The following ANKRD52 variants were observed in gnomAD, a reference collection of about 807,000 sequenced individuals.
ANKRD52 encodes the protein serine/threonine-protein phosphatase 6 regulatory ankyrin repeat subunit C.
Under a neutral mutation model 116.0 loss-of-function variants are expected in ANKRD52, and 7 were observed. The ratio of observed to expected loss-of-function variants is 0.06; its 90% confidence interval spans 0.03 to 0.11. The LOEUF is 0.11. ANKRD52 is among the 10% of genes least tolerant of loss of function. The pLI is 1.00. For synonymous variants in ANKRD52, 528 were observed against 578.1 expected, an observed-to-expected ratio of 0.91 and a Z score of 1.24; for missense variants, 839 against 1,408.6, an observed-to-expected ratio of 0.60 and a Z score of 6.47.
At chr12:56,249,805 C>T (rs1465043573) in intron 15 of ANKRD52, among the ~76,000 whole-genome samples, 1 of 152,066 alleles carries the variant, frequency 6.6e-6, no homozygotes, top group Admixed American at 6.6e-5. Context: ...TTTGGGAGGC[C>T]AAGGCAGGTG....
At chr12:56,250,120 C>T (rs748837889) in intron 15 of ANKRD52, among the ~76,000 whole-genome samples, 1 of 152,084 alleles carries the variant, frequency 6.6e-6, no homozygotes, top group African/African-American at 2.4e-5. Context: ...TCGCTTGAAC[C>T]CCGGAGGTAG....
intron 15 of ANKRD52, 44 bp downstream of exon 15, chr12:56,251,971 T>A: frequency 6.3e-7 from 1 of 1,592,012 alleles, no homozygotes; most frequent in Non-Finnish European, 8.6e-7. Flanking sequence ...AGAGCTTGCA[T>A]GGGTTGGGGA....
At chr12:56,249,234 A>G (rs918507659) in intron 15 of ANKRD52, among the ~76,000 whole-genome samples, 5 of 152,090 alleles carry the variant, frequency 3.3e-5, no homozygotes, top group Non-Finnish European at 4.4e-5. Context: ...GCCCACCCGA[A>G]TAAGTCCTGT....
intron 15 of ANKRD52, among the ~76,000 whole-genome samples, chr12:56,250,043 A>C (rs1267579076): frequency 1.3e-5 from 2 of 151,998 alleles, no homozygotes; most frequent in Non-Finnish European, 2.9e-5. Context: ...TCTTCAAAAA[A>C]ACAATTAGCT....
intron 15 of ANKRD52, 132 bp from the exon 16 acceptor site, chr12:56,249,002 G>T: frequency 1.7e-6 from 1 of 594,760 alleles, no homozygotes. Context: ...GCTCTAGGTA[G>T]GTTCTCTAAA....
Position 56,255,161 on chromosome 12 carries a change from G to T in ANKRD52, c.463-209C>A. 1 of 481,760 alleles carries T rather than the reference G, an allele frequency of 2.1e-6. No individual in the cohort carries two copies. The highest frequency in any genetic ancestry group is 3.7e-6 in the Non-Finnish European group (1 of 268,442). 29.8% of individuals were successfully genotyped at this position (481,760 alleles called of 1,614,324 possible). A position where few individuals can be genotyped will look rare whatever the true frequency, so the allele number is the denominator to read the frequency against. On this transcript the variant is annotated intron_variant, in intron 5 of 27. Transcript: ENST00000267116. This position sits in a 1 kb window ranked among gnomAD's most constrained non-coding sequence, Gnocchi z 4.3. ...TTGGAACTTTAAGGGAAACAAGAGAGTCTCTTCAGGTGATCTGGTGGTTCT... is the reference window on the plus strand; with the variant it reads ...TTGGAACTTTAAGGGAAACAAGAGATTCTCTTCAGGTGATCTGGTGGTTCT...
Position 56,243,069 on chromosome 12 carries a change from A to G in ANKRD52, c.*73T>C, listed in dbSNP as rs1215425729. ...GTCGTGTTCTCCTTTAAAGTGCCCT[A>G]AATGTTTAGACTTTTTCTAAATAAA... On this transcript the variant is annotated 3_prime_UTR_variant, in exon 28 of 28. Transcript: ENST00000267116. The surrounding 1 kb of genome is among the most constrained non-coding windows in gnomAD (Gnocchi z 4.6). 2 of 1,469,280 alleles carry G rather than the reference A, an allele frequency of 1.4e-6. No homozygotes were observed. The highest frequency in any genetic ancestry group is 2.5e-5 in the Admixed American group (1 of 40,050). 91.0% of individuals were successfully genotyped at this position (1,469,280 alleles called of 1,614,324 possible). A position where few individuals can be genotyped will look rare whatever the true frequency, so the allele number is the denominator to read the frequency against.
In ANKRD52 at chr12:56,255,885, T is replaced by C. The variant is rs1386116930; in HGVS notation, c.361A>G (p.Lys121Glu). 2 of 1,573,476 alleles carry C rather than the reference T, an allele frequency of 1.3e-6. No individual in the cohort carries two copies. Among genetic ancestry groups the C allele is most frequent in the Non-Finnish European group, 1.7e-6 (2 of 1,159,106 alleles). Residue 121 changes from lysine to glutamate, a missense_variant, in exon 5 of 28, where the codon AAG (lysine) becomes GAG (glutamate). This residue lies in a region of ANKRD52 where 287 missense variants were observed against 598.1 expected (regional missense o/e 0.48). Coordinates refer to ENST00000267116, the MANE Select transcript of ANKRD52 (RefSeq NM_173595.4). The surrounding 1 kb of genome is among the most constrained non-coding windows in gnomAD (Gnocchi z 4.3). ...LHVAAANRAT[K>E]CAEALAPLLS... The stretch of plus-strand genomic sequence containing the variant: ...AGGGGTGCCAGAGCCTCAGCACACT[T>C]GGTGGCCCGGTTGGCAGCAGCCACA...
chr12:56,241,683 A>C lies in ANKRD52; in HGVS notation c.*1459T>G. The C allele has an allele frequency of 3.6e-6, 1 of 279,168 alleles. No individual in the cohort carries two copies. The highest frequency in any genetic ancestry group is 6.7e-6 in the Non-Finnish European group (1 of 150,368). The allele number at this position is 279,168 out of a possible 1,614,324, so 17.3% of individuals were successfully genotyped here. A position where few individuals can be genotyped will look rare whatever the true frequency, so the allele number is the denominator to read the frequency against. Reference sequence around the variant, plus strand: ...CTGTGTCTTGGCCCCTGGCTGAGGTATTGAGTGTGAGGAAGGGAACACTGG... The same window carrying C: ...CTGTGTCTTGGCCCCTGGCTGAGGTCTTGAGTGTGAGGAAGGGAACACTGG... On this transcript the variant is annotated 3_prime_UTR_variant, in exon 28 of 28. Coordinates refer to ENST00000267116, the MANE Select transcript of ANKRD52 (RefSeq NM_173595.4).
At position 56,254,368 on chromosome 12, in the gene ANKRD52, G is replaced by T; in HGVS notation, c.694-89C>A. On this transcript the variant is annotated intron_variant, in intron 7 of 27. Coordinates refer to ENST00000267116, the MANE Select transcript of ANKRD52 (RefSeq NM_173595.4). The surrounding 1 kb of genome is among the most constrained non-coding windows in gnomAD (Gnocchi z 4.6). ...AGCCTCCAGATCCCAGAAATCCAAC[G>T]ACTGCCTCATTTCCTCTCGGGTTTA... 6.7e-7 allele frequency: 1 copy of T among 1,484,916 alleles called. No individual in the cohort carries two copies. Among genetic ancestry groups the T allele is most frequent in the Non-Finnish European group, 9.2e-7 (1 of 1,083,036 alleles). The allele number at this position is 1,484,916 out of a possible 1,614,324, so 92.0% of individuals were successfully genotyped here.
chr12:56,246,999 T>C (rs890892217), intron 20 of ANKRD52, among the ~76,000 whole-genome samples: 2 of 147,924 alleles, frequency 1.4e-5, no homozygotes, highest in African/African-American at 2.5e-5. Context: ...ATCAGGGAAA[T>C]CAGCTGGGGA....
chr12:56,245,696 T>A, intron 20 of ANKRD52, 100 bp from the exon 21 acceptor site: 15 of 718,172 alleles, frequency 2.1e-5, no homozygotes, highest in Non-Finnish European at 3.3e-5. Flanking sequence ...CTTCCAGGGC[T>A]CCAATCCTTG....
rs1871163592 is a variant in ANKRD52, at chr12:56,241,417, C to T, written c.*1725G>A. 1 of 151,826 alleles carries T rather than the reference C, an allele frequency of 6.6e-6. No individual in the cohort carries two copies. The highest frequency in any genetic ancestry group is 6.5e-5 in the Admixed American group (1 of 15,268). 9.4% of individuals were successfully genotyped at this position (151,826 alleles called of 1,614,324 possible). ...GGGAGGGGGTCCCTGGGACGCCCCC[C>T]TCCCCTCAGCCCACCCTTGACAAGG... On this transcript the variant is annotated 3_prime_UTR_variant, in exon 28 of 28. Transcript: ENST00000267116.
chr12:56,246,960 ATAATAATAATAAT>A (rs1364293626), intron 20 of ANKRD52, among the ~76,000 whole-genome samples: 1 of 146,350 alleles, frequency 6.8e-6, no homozygotes, highest in South Asian at 2.1e-4. Flanking sequence ...AATAATAATA[ATAATAATAATAAT>A]AAACAAAGCA....
Position 56,242,981 on chromosome 12 carries a change from G to T in ANKRD52, c.*161C>A. On this transcript the variant is annotated 3_prime_UTR_variant, in exon 28 of 28. Coordinates refer to ENST00000267116, the MANE Select transcript of ANKRD52 (RefSeq NM_173595.4). This position sits in a 1 kb window ranked among gnomAD's most constrained non-coding sequence, Gnocchi z 4.3. Reference sequence around the variant, plus strand: ...TCCCAGACCCCTGCCAGGCCAAGATGGTGTGGCAAAGGGGTGAGCAGCTGC... The same window carrying T: ...TCCCAGACCCCTGCCAGGCCAAGATTGTGTGGCAAAGGGGTGAGCAGCTGC... 3 of 1,074,552 alleles carry T rather than the reference G, an allele frequency of 2.8e-6. No homozygotes were observed. The highest frequency in any genetic ancestry group is 3.9e-6 in the Non-Finnish European group (3 of 773,230). The allele number at this position is 1,074,552 out of a possible 1,614,324, so 66.6% of individuals were successfully genotyped here.
Position 56,244,964 on chromosome 12 carries a change from C to T in ANKRD52, c.2518G>A (p.Glu840Lys). ...AVINNQDSTTEMLLGALGAKI... is the reference protein window; with the variant it reads ...AVINNQDSTTKMLLGALGAKI... ...GCACCCAGAGCTCCCAGTAGCATCT[C>T]TGTGGTGCTGTCTTGGTTATTAATC... The change falls in exon 23 of 28, where the codon GAG becomes AAG. Residue 840 changes from glutamate (E) to lysine (K), a missense_variant. Glu to Lys is a moderately conservative substitution (Grantham distance 56). This residue lies in a region of ANKRD52 where 552 missense variants were observed against 810.6 expected (regional missense o/e 0.68). Coordinates refer to ENST00000267116, the MANE Select transcript of ANKRD52 (RefSeq NM_173595.4). The surrounding 1 kb of genome is among the most constrained non-coding windows in gnomAD (Gnocchi z 4.9). The T allele has an allele frequency of 1.2e-6, 2 of 1,613,980 alleles. No homozygotes were observed. Among genetic ancestry groups the T allele is most frequent in the Admixed American group, 1.7e-5 (1 of 60,026 alleles).
chr12:56,247,381 G>A (rs1296017613), intron 20 of ANKRD52, 112 bp downstream of exon 20: 18 of 827,776 alleles, frequency 2.2e-5, no homozygotes, highest in Admixed American at 1.5e-4. Context: ...GAAAAAAGAC[G>A]GCACAAAATC....
Position 56,243,346 on chromosome 12 carries a change from G to A in ANKRD52, c.3027C>T (p.Asp1009=), listed in dbSNP as rs371988601. The change falls in exon 28 of 28, where the codon GAC becomes GAT. Residue 1009 remains aspartate, a synonymous_variant. Transcript: ENST00000267116. This position sits in a 1 kb window ranked among gnomAD's most constrained non-coding sequence, Gnocchi z 4.6. ...TGGTGGAAAGGATCAAGGCCAGGCA[G>A]TCTGCCACATCTTTGTTGGGGGCAC... ...LACAPNKDVA[D]CLALILSTMK... 5 of 1,613,850 alleles carry A rather than the reference G, an allele frequency of 3.1e-6. No individual in the cohort carries two copies. Among genetic ancestry groups the A allele is most frequent in the African/African-American group, 2.7e-5 (2 of 74,954 alleles).
Position 56,258,368 on chromosome 12 carries a change from T to C in ANKRD52, c.-99A>G, listed in dbSNP as rs1872070702. On this transcript the variant is annotated 5_prime_UTR_variant, in exon 1 of 28. Transcript: ENST00000267116. The stretch of plus-strand genomic sequence containing the variant: ...CCCAGGCGGCGGCTGCGGTGGCGGC[T>C]GCAGGGAGAGCGCGGCCCCGCCTAC... 6.3e-6 allele frequency: 8 copies of C among 1,274,186 alleles called. No homozygotes were observed. The highest frequency in any genetic ancestry group is 7.0e-6 in the Non-Finnish European group (7 of 1,002,750). The allele number at this position is 1,274,186 out of a possible 1,614,324, so 78.9% of individuals were successfully genotyped here.
Sources: allele counts gnomAD v4.1 joint callset (sites outside exome capture counted in the v4.1 genomes callset), GRCh38; gene constraint gnomAD v4.1.1; regional missense constraint gnomAD v4.1.1; non-coding constraint Gnocchi (gnomAD v3.1); transcripts MANE v1.5; gene names NCBI Gene and HGNC (gene_info 2026-07-23, HGNC 2026-07-21).